The following SERINC5 variants were observed in gnomAD, a reference collection of about 807,000 sequenced individuals.
SERINC5 encodes serine incorporator 5.
Under a neutral mutation model 63.1 loss-of-function variants are expected in SERINC5, and 41 were observed. The ratio of observed to expected loss-of-function variants is 0.65; its 90% CI spans 0.51 to 0.84. The LOEUF (loss-of-function observed/expected upper bound fraction) is 0.84, where lower values mean the gene tolerates loss of function less well. Ranked by LOEUF, SERINC5 falls within the 40% of genes least tolerant of loss-of-function variation. The pLI is 0.00. For missense variants in SERINC5, 523 were observed against 573.0 expected, an observed-to-expected ratio of 0.91 and a Z score of 0.89; for synonymous variants, 222 against 215.2, an observed-to-expected ratio of 1.03 and a Z score of -0.28.
At chr5:80,137,301 A>G (rs1248847770), downstream of SERINC5, among the ~76,000 whole-genome samples, 5 of 152,136 alleles carry the variant, frequency 3.3e-5, no homozygotes, top group Non-Finnish European at 2.9e-5. Context: ...AGCATTATTC[A>G]TAATGGCCAA....
At chr5:80,230,709 A>G (rs1751400095) in intron 1 of SERINC5, among the ~76,000 whole-genome samples, 2 of 152,192 alleles carry the variant, frequency 1.3e-5, no homozygotes, top group South Asian at 4.1e-4. Flanking sequence ...CTTGGACTCT[A>G]GGAAATAAAT....
At chr5:80,255,653 G>C (rs79319332) in intron 1 of SERINC5, among the ~76,000 whole-genome samples, 6,787 of 152,260 alleles carry the variant, frequency 0.045, 521 homozygotes, top group African/African-American at 0.15. Flanking sequence ...TCCACGCGGA[G>C]TCCCGGAGGC....
At chr5:80,123,784 C>G (rs925451876) in intron 11 of SERINC5, among the ~76,000 whole-genome samples, 2 of 152,198 alleles carry the variant, frequency 1.3e-5, no homozygotes, top group Admixed American at 6.5e-5. Context: ...TTGACCTCCC[C>G]TTTCCACCAG....
intron 5 of SERINC5, among the ~76,000 whole-genome samples, chr5:80,173,816 C>G (rs10042033): frequency 0.2 from 30,587 of 151,846 alleles, 3,707 homozygotes; most frequent in Non-Finnish European, 0.27. Flanking sequence ...CACCTTTCTG[C>G]ACTTAAAACA....
Position 80,203,830 on chromosome 5 carries a change from G to A in SERINC5, c.28-777C>T, listed in dbSNP as rs926517107. 2.0e-5 allele frequency among the ~76,000 whole-genome samples: 3 copies of A among 152,176 alleles called. No homozygotes were observed. In the East Asian group the frequency reaches 5.8e-4, roughly 29 times the overall value. On this transcript the variant is annotated intron_variant, in intron 1 of 11. Transcript: ENST00000507668. Reference sequence around the variant, plus strand: ...CTTCCTGGGTCCCTAGATAGCTTCAGGATGGAAGGCTGGCTATCAGTGGAA... The same window carrying A: ...CTTCCTGGGTCCCTAGATAGCTTCAAGATGGAAGGCTGGCTATCAGTGGAA...
intron 1 of SERINC5, among the ~76,000 whole-genome samples, chr5:80,241,182 AAGGC>A (rs1751923905): frequency 6.6e-6 from 1 of 152,112 alleles, no homozygotes; most frequent in Non-Finnish European, 1.5e-5. Context: ...AAGAAATAAA[AAGGC>A]AAGGCTGGGC....
At chr5:80,173,194 A>G (rs1476004001) in intron 5 of SERINC5, among the ~76,000 whole-genome samples, 1 of 151,392 alleles carries the variant, frequency 6.6e-6, no homozygotes, top group Non-Finnish European at 1.5e-5. Context: ...AGGAAAAGGA[A>G]AAGGAAAGGA....
intron 1 of SERINC5, among the ~76,000 whole-genome samples, chr5:80,224,232 G>A (rs1030206489): frequency 2.0e-5 from 3 of 151,936 alleles, no homozygotes; most frequent in Non-Finnish European, 4.4e-5. Flanking sequence ...AGGCTGAGGC[G>A]AGCAGATGGC....
At chr5:80,244,138 C>T (rs1249795364) in intron 1 of SERINC5, among the ~76,000 whole-genome samples, 5 of 152,088 alleles carry the variant, frequency 3.3e-5, no homozygotes, top group Admixed American at 6.6e-5. Flanking sequence ...AACCTCCCCT[C>T]CCTGGCTTCA....
At chr5:80,249,511 T>C (rs1428338437) in intron 1 of SERINC5, among the ~76,000 whole-genome samples, 1 of 150,936 alleles carries the variant, frequency 6.6e-6, no homozygotes, top group Non-Finnish European at 1.5e-5. Context: ...AAAGTAAAAT[T>C]ATAAATATCG....
At chr5:80,201,897 A>T (rs1454195523) in intron 2 of SERINC5, among the ~76,000 whole-genome samples, 1 of 152,186 alleles carries the variant, frequency 6.6e-6, no homozygotes, top group Non-Finnish European at 1.5e-5. Context: ...CAGCTTTATT[A>T]TACTTCCTAT....
intron 1 of SERINC5, among the ~76,000 whole-genome samples, chr5:80,238,665 C>A (rs138147716): frequency 9.1e-4 from 138 of 151,958 alleles, no homozygotes; most frequent in African/African-American, 3.1e-3. Flanking sequence ...CACCTGTAAT[C>A]CCACTACTTG....
chr5:80,125,221 C>T (rs116584472), intron 11 of SERINC5, among the ~76,000 whole-genome samples: 212 of 152,320 alleles, frequency 1.4e-3, no homozygotes, highest in African/African-American at 4.4e-3. Context: ...AAAACCAAAA[C>T]CACAATCTCT....
At position 80,233,289 on chromosome 5, in the gene SERINC5, T is replaced by C. The variant is rs74391207; in HGVS notation, c.27+22607A>G. On this transcript the variant is annotated intron_variant, in intron 1 of 11. Coordinates refer to ENST00000507668, the MANE Select transcript of SERINC5 (RefSeq NM_001174072.3). ...AAAAATACAAAAGATTAGCAGGGCATGGTGGTGCATGCCTGTAATCCCAGC... is the reference window on the plus strand; with the variant it reads ...AAAAATACAAAAGATTAGCAGGGCACGGTGGTGCATGCCTGTAATCCCAGC... 5.7e-3 allele frequency among the ~76,000 whole-genome samples: 863 copies of C among 150,606 alleles called. 35 individuals are homozygous for C. The East Asian group carries it at 0.099, about 17-fold the overall frequency.
At chr5:80,133,736 A>T (rs1242972848), downstream of SERINC5, among the ~76,000 whole-genome samples, 1 of 152,254 alleles carries the variant, frequency 6.6e-6, no homozygotes, top group East Asian at 1.9e-4. Flanking sequence ...AAAGAGTTTA[A>T]TCCACACACA....
intron 11 of SERINC5, among the ~76,000 whole-genome samples, chr5:80,120,805 CTG>C (rs1744512146): frequency 6.6e-6 from 1 of 152,036 alleles, no homozygotes; most frequent in Non-Finnish European, 1.5e-5. Context: ...GAGTGAGACT[CTG>C]TCTCAAAAAA....
intron 1 of SERINC5, among the ~76,000 whole-genome samples, chr5:80,236,320 C>A (rs752307224): frequency 2.6e-5 from 4 of 152,056 alleles, no homozygotes; most frequent in Non-Finnish European, 5.9e-5. Flanking sequence ...AAGGGCACAC[C>A]ACCAGTAAAT....
At chr5:80,152,767 C>G (rs1746268506) in intron 8 of SERINC5, among the ~76,000 whole-genome samples, 1 of 151,892 alleles carries the variant, frequency 6.6e-6, no homozygotes, top group Non-Finnish European at 1.5e-5. Flanking sequence ...ATGGCAAAAC[C>G]CCATCTATAG....
At chr5:80,194,017 A>G (rs1749352489) in intron 2 of SERINC5, among the ~76,000 whole-genome samples, 1 of 152,212 alleles carries the variant, frequency 6.6e-6, no homozygotes. Context: ...CAGTTCTACA[A>G]TGGGCTTGAG....
Sources: gnomAD v4.1 joint callset for allele counts (sites outside exome capture counted in the v4.1 genomes callset) on GRCh38, gnomAD v4.1.1 for gene constraint, MANE v1.5 for transcripts, NCBI Gene and HGNC (gene_info 2026-07-23, HGNC 2026-07-21) for gene names.